KHDRBS2: variants seen among roughly 807,000 people sequenced by gnomAD.
KHDRBS2 encodes KH RNA binding domain containing, signal transduction associated 2, also known as KH domain-containing, RNA-binding, signal transduction-associated protein 2.
Under a neutral mutation model 44.3 loss-of-function variants are expected in KHDRBS2, and 26 were observed. That is an observed-to-expected ratio of 0.59 (90% CI 0.43 to 0.81). KHDRBS2 has a LOEUF of 0.81. Ranked by LOEUF, KHDRBS2 falls within the 40% of genes least tolerant of loss-of-function variation. The pLI, the probability that KHDRBS2 is intolerant of heterozygous loss-of-function variation, is 0.00. For synonymous variants in KHDRBS2, 194 were observed against 151.1 expected (o/e 1.28, Z -2.08); for missense variants, 476 against 433.1 (o/e 1.10, Z -0.88).
chr6:61,764,365 T>C (rs1010360108), intron 6 of KHDRBS2, among the ~76,000 whole-genome samples: 1 of 152,194 alleles, frequency 6.6e-6, no homozygotes, highest in Non-Finnish European at 1.5e-5. Flanking sequence ...GATTGCTGGG[T>C]AAAATGGTAT....
chr6:61,937,575 T>C (rs1161557384), intron 4 of KHDRBS2, among the ~76,000 whole-genome samples: 2 of 152,040 alleles, frequency 1.3e-5, no homozygotes, highest in Non-Finnish European at 2.9e-5. Context: ...ACTATATGAG[T>C]ATCGGGCAGG....
At chr6:61,800,408 T>A (rs1786070704) in intron 6 of KHDRBS2, among the ~76,000 whole-genome samples, 1 of 152,098 alleles carries the variant, frequency 6.6e-6, no homozygotes, top group African/African-American at 2.4e-5. Flanking sequence ...TGCATTTATG[T>A]CTTGGTTCTC....
chr6:62,280,260 T>C (rs1345771562), intron 1 of KHDRBS2, among the ~76,000 whole-genome samples: 2 of 152,104 alleles, frequency 1.3e-5, no homozygotes, highest in African/African-American at 2.4e-5. Flanking sequence ...TTGCAGGCAA[T>C]GGAAATTATT....
At chr6:62,235,331 A>T (rs76680312) in intron 1 of KHDRBS2, among the ~76,000 whole-genome samples, 3,700 of 152,036 alleles carry the variant, frequency 0.024, 116 homozygotes, top group African/African-American at 0.079. Context: ...AAATGCTCCT[A>T]GATAGACACT....
chr6:61,724,535 A>C (rs949553109), intron 7 of KHDRBS2, among the ~76,000 whole-genome samples: 1 of 152,192 alleles, frequency 6.6e-6, no homozygotes, highest in Non-Finnish European at 1.5e-5. Flanking sequence ...TAAAGAGCCT[A>C]GACCCATAGG....
At chr6:62,233,486 C>A (rs1030519333) in intron 1 of KHDRBS2, among the ~76,000 whole-genome samples, 14 of 152,210 alleles carry the variant, frequency 9.2e-5, no homozygotes, top group Admixed American at 3.9e-4. Context: ...AAAAACTGGT[C>A]TTTTCAAAAT....
intron 6 of KHDRBS2, among the ~76,000 whole-genome samples, chr6:61,810,075 C>G (rs962738283): frequency 1.3e-5 from 2 of 152,078 alleles, no homozygotes; most frequent in Non-Finnish European, 2.9e-5. Context: ...TTGGACACTT[C>G]TAGGAGGCAA....
chr6:61,555,726 A>T, the KHDRBS2 span, among the ~76,000 whole-genome samples: 1 of 152,012 alleles, frequency 6.6e-6, no homozygotes, highest in Admixed American at 6.5e-5. Context: ...TAGGGGTTTG[A>T]TTGTCGCATA....
intron 6 of KHDRBS2, among the ~76,000 whole-genome samples, chr6:61,878,583 ATATTGGTTGAAT>A (rs1482272532): frequency 1.3e-5 from 2 of 152,008 alleles, no homozygotes; most frequent in African/African-American, 2.4e-5. Context: ...TGCCCAGATG[ATATTGGTTGAAT>A]TATTCAATTT....
chr6:61,901,008 C>CTCTACT (rs915540574), intron 5 of KHDRBS2, among the ~76,000 whole-genome samples: 1 of 151,636 alleles, frequency 6.6e-6, no homozygotes, highest in Non-Finnish European at 1.5e-5. Context: ...ATACACCTTT[C>CTCTACT]TCTACTTCAA....
chr6:62,061,712 C>T (rs563972475), intron 2 of KHDRBS2, among the ~76,000 whole-genome samples: 2 of 150,490 alleles, frequency 1.3e-5, no homozygotes, highest in Admixed American at 6.7e-5. Context: ...TGAATCTGAA[C>T]GTTGGCCTGC....
chr6:61,684,298 G>C (rs1445970781), intron 8 of KHDRBS2, among the ~76,000 whole-genome samples: 1 of 151,856 alleles, frequency 6.6e-6, no homozygotes, highest in South Asian at 2.1e-4. Flanking sequence ...TTTCTTCACT[G>C]CAAGTACCAC....
chr6:61,773,119 A>G (rs1343325108), intron 6 of KHDRBS2, among the ~76,000 whole-genome samples: 10 of 152,104 alleles, frequency 6.6e-5, no homozygotes, highest in Non-Finnish European at 1.5e-4. Flanking sequence ...ATGTGTCTTT[A>G]TAGCAGCATG....
At chr6:62,013,619 G>T (rs1780696912) in intron 3 of KHDRBS2, among the ~76,000 whole-genome samples, 2 of 152,062 alleles carry the variant, frequency 1.3e-5, no homozygotes, top group Admixed American at 6.6e-5. Context: ...AATGAGGCAA[G>T]TTGAGGATTA....
intron 2 of KHDRBS2, among the ~76,000 whole-genome samples, chr6:62,147,866 T>C (rs1267964273): frequency 2.0e-5 from 3 of 151,992 alleles, no homozygotes; most frequent in Non-Finnish European, 2.9e-5. Flanking sequence ...GATTAAGTAA[T>C]TCATTTCAGC....
Position 62,177,170 on chromosome 6 carries a change from T to G in KHDRBS2, c.219+15A>C, listed in dbSNP as rs770522759. On this transcript the variant is annotated intron_variant, in intron 2 of 8. Transcript: ENST00000281156. ...CTAAATCAATTATATGAGAACAAAG[T>G]ATATATGGTAGTACCTTTGGATACT... 3 of 1,458,180 alleles carry G rather than the reference T, an allele frequency of 2.1e-6. No homozygotes were observed. The Admixed American group carries it at 5.8e-5, about 28-fold the overall frequency. 90.3% of individuals were successfully genotyped at this position (1,458,180 alleles called of 1,614,324 possible).
chr6:61,584,150 A>G, the KHDRBS2 span, among the ~76,000 whole-genome samples: 1 of 151,774 alleles, frequency 6.6e-6, no homozygotes, highest in Non-Finnish European at 1.5e-5. Context: ...TGTTATCTGC[A>G]TGTCAAAGAT....
At chr6:61,602,157 G>T in the KHDRBS2 span, among the ~76,000 whole-genome samples, 2 of 151,926 alleles carry the variant, frequency 1.3e-5, no homozygotes, top group African/African-American at 4.8e-5. Context: ...TTAAATTCTG[G>T]CCCTCAAATC....
At chr6:61,903,862 T>C (rs1298796350) in intron 4 of KHDRBS2, among the ~76,000 whole-genome samples, 1 of 152,126 alleles carries the variant, frequency 6.6e-6, no homozygotes, top group African/African-American at 2.4e-5. Flanking sequence ...CTCCCTGCCA[T>C]CATGTCCGAG....
Sources: allele counts gnomAD v4.1 joint callset (sites outside exome capture counted in the v4.1 genomes callset), GRCh38; gene constraint gnomAD v4.1.1; transcripts MANE v1.5; gene names NCBI Gene and HGNC (gene_info 2026-07-23, HGNC 2026-07-21).